The following ITFG1 variants were observed in gnomAD, a reference collection of about 807,000 sequenced individuals.
ITFG1 encodes T-cell immunomodulatory protein.
In ITFG1, 34 loss-of-function variants were observed where a neutral mutation model predicts 81.8. That is an observed-to-expected ratio of 0.42 (90% CI 0.32 to 0.55). ITFG1 has a LOEUF of 0.55. ITFG1 is among the 20% of genes least tolerant of loss of function. ITFG1 has a pLI of 0.17. For synonymous variants in ITFG1, 285 were observed against 270.6 expected, an observed-to-expected ratio of 1.05 and a Z score of -0.52; for missense variants, 672 against 755.4, an observed-to-expected ratio of 0.89 and a Z score of 1.29.
intron 5 of ITFG1, among the ~76,000 whole-genome samples, chr16:47,430,902 C>A (rs1397598448): frequency 6.6e-6 from 1 of 152,094 alleles, no homozygotes; most frequent in Non-Finnish European, 1.5e-5. Context: ...TTCACAATAG[C>A]CCACAAGTGG....
chr16:47,461,007 G>C lies in ITFG1; in HGVS notation c.39C>G (p.Leu13=), dbSNP rs751489195. ...AAGRLPSSWA[L]FSPLLAGLAL... ...CAAGCCCTGCGAGGAGCGGCGAGAA[G>C]AGGGCCCAGGAGCTCGGGAGCCGGC... The change falls in exon 1 of 18, where the codon CTC becomes CTG. Residue 13 remains leucine (L), a synonymous_variant. Transcript: ENST00000320640. 6.4e-7 allele frequency: 1 copy of C among 1,556,406 alleles called. No individual in the cohort carries two copies. The highest frequency in any genetic ancestry group is 1.4e-5 in the African/African-American group (1 of 73,504).
intron 10 of ITFG1, among the ~76,000 whole-genome samples, chr16:47,264,918 A>T (rs949088192): frequency 6.6e-6 from 1 of 152,080 alleles, no homozygotes; most frequent in Non-Finnish European, 1.5e-5. Context: ...GTTCTCATTG[A>T]TTTTTAGATC....
intron 13 of ITFG1, 64 bp downstream of exon 13, chr16:47,237,901 G>T (rs1489901068): frequency 1.4e-6 from 1 of 714,342 alleles, no homozygotes; most frequent in South Asian, 1.7e-5. Context: ...CAACTATTTT[G>T]TGTGTGTCTA....
chr16:47,362,666 C>T (rs1440296882), intron 8 of ITFG1, among the ~76,000 whole-genome samples: 1 of 152,200 alleles, frequency 6.6e-6, no homozygotes, highest in Non-Finnish European at 1.5e-5. Context: ...AGTACAAAAT[C>T]TCACCACTTC....
intron 8 of ITFG1, among the ~76,000 whole-genome samples, chr16:47,334,834 A>C (rs572545031): frequency 6.6e-6 from 1 of 152,332 alleles, no homozygotes; most frequent in Non-Finnish European, 1.5e-5. Context: ...TTCTGAGATG[A>C]GAAAAATTTT....
intron 8 of ITFG1, among the ~76,000 whole-genome samples, chr16:47,320,554 T>C (rs1416023144): frequency 6.6e-6 from 1 of 152,246 alleles, no homozygotes; most frequent in Non-Finnish European, 1.5e-5. Context: ...GAATGATATA[T>C]ACTTTTCAGA....
intron 10 of ITFG1, among the ~76,000 whole-genome samples, chr16:47,269,707 T>C (rs1380537569): frequency 6.6e-6 from 1 of 152,186 alleles, no homozygotes; most frequent in African/African-American, 2.4e-5. Flanking sequence ...TATCCCCAAA[T>C]TGACCTATAG....
chr16:47,309,068 C>CTTT (rs1188663308), intron 10 of ITFG1, among the ~76,000 whole-genome samples: 1 of 136,328 alleles, frequency 7.3e-6, no homozygotes, highest in Non-Finnish European at 1.6e-5. Flanking sequence ...AACATAACTT[C>CTTT]TTTTTTTTTT....
At chr16:47,175,931 AG>A (rs1213941417) in intron 14 of ITFG1, among the ~76,000 whole-genome samples, 1 of 152,150 alleles carries the variant, frequency 6.6e-6, no homozygotes, top group African/African-American at 2.4e-5. Context: ...TTACAAGTCC[AG>A]GGTGTGCTTC....
chr16:47,158,826 A>T, intron 17 of ITFG1, 47 bp downstream of exon 17: 1 of 948,194 alleles, frequency 1.1e-6, no homozygotes, highest in Non-Finnish European at 1.7e-6. Flanking sequence ...TGTATGTATT[A>T]CTAGAATAAA....
At chr16:47,277,491 G>A (rs1007265315) in intron 10 of ITFG1, among the ~76,000 whole-genome samples, 1 of 152,152 alleles carries the variant, frequency 6.6e-6, no homozygotes, top group Non-Finnish European at 1.5e-5. Context: ...GGTAAGGAGA[G>A]CTGACTGTAT....
intron 8 of ITFG1, among the ~76,000 whole-genome samples, chr16:47,339,709 A>C (rs1344111758): frequency 6.6e-6 from 1 of 152,136 alleles, no homozygotes; most frequent in Non-Finnish European, 1.5e-5. Context: ...AAAATAAATA[A>C]AGCACAAGGG....
chr16:47,170,275 G>T (rs1964941333), intron 14 of ITFG1, among the ~76,000 whole-genome samples: 1 of 152,122 alleles, frequency 6.6e-6, no homozygotes, highest in Non-Finnish European at 1.5e-5. Context: ...TCATGAAATT[G>T]TTGGTAGAAT....
intron 5 of ITFG1, among the ~76,000 whole-genome samples, chr16:47,445,980 G>C (rs139827737): frequency 6.6e-6 from 1 of 152,024 alleles, no homozygotes; most frequent in Non-Finnish European, 1.5e-5. Flanking sequence ...ACGTATTTGT[G>C]AGCCTGTGGT....
At chr16:47,237,514 C>T (rs1596826219) in intron 13 of ITFG1, among the ~76,000 whole-genome samples, 1 of 152,166 alleles carries the variant, frequency 6.6e-6, no homozygotes. Context: ...TGTTATTTCA[C>T]TGAAACATTC....
intron 10 of ITFG1, among the ~76,000 whole-genome samples, chr16:47,271,021 C>A (rs1290407591): frequency 6.6e-6 from 1 of 152,134 alleles, no homozygotes; most frequent in Non-Finnish European, 1.5e-5. Context: ...TATCGACTTA[C>A]AACCTTTAAA....
At chr16:47,290,117 T>G (rs1030944234) in intron 10 of ITFG1, among the ~76,000 whole-genome samples, 1 of 152,174 alleles carries the variant, frequency 6.6e-6, no homozygotes, top group Admixed American at 6.5e-5. Flanking sequence ...TTCCATATAT[T>G]TGCACAATTT....
rs544878714 is a variant in ITFG1 at position 47,325,799 on chromosome 16, C to T, written c.803-11976G>A. ...GAAGAAGTTGATTCTCTGAATAGAC[C>T]AATAACAGGCTCTGAAACTGAGGCA... On this transcript the variant is annotated intron_variant, in intron 8 of 17. Transcript: ENST00000320640. 3.9e-4 allele frequency among the ~76,000 whole-genome samples: 59 copies of T among 152,224 alleles called. 1 individual carries two copies. Among genetic ancestry groups the T allele is most frequent in the African/African-American group, 1.2e-3 (49 of 41,530 alleles).
At chr16:47,285,424 C>T (rs1048428581) in intron 10 of ITFG1, among the ~76,000 whole-genome samples, 1 of 152,156 alleles carries the variant, frequency 6.6e-6, no homozygotes, top group Non-Finnish European at 1.5e-5. Flanking sequence ...GTAAGTGCTT[C>T]TCTGAGTTCT....
Sources: allele counts gnomAD v4.1 joint callset (sites outside exome capture counted in the v4.1 genomes callset), GRCh38; gene constraint gnomAD v4.1.1; transcripts MANE v1.5; gene names NCBI Gene and HGNC (gene_info 2026-07-23, HGNC 2026-07-21).